Variants in PIP4K2A observed in about 807,000 individuals in gnomAD.
PIP4K2A encodes the protein phosphatidylinositol 5-phosphate 4-kinase type-2 alpha.
PIP4K2A carries 14 observed loss-of-function variants against 42.9 expected under a neutral mutation model. The observed-to-expected ratio is 0.33, with a 90% CI of 0.22 to 0.51. PIP4K2A has a LOEUF of 0.51. PIP4K2A is among the 20% of genes least tolerant of loss of function. PIP4K2A has a pLI of 0.97. For missense variants in PIP4K2A, 434 were observed against 519.8 expected (o/e 0.83, Z 1.61); for synonymous variants, 192 against 192.2 (o/e 1.00, Z 0.01).
intron 7 of PIP4K2A, among the ~76,000 whole-genome samples, chr10:22,545,852 C>T (rs1340825134): frequency 6.6e-6 from 1 of 152,136 alleles, no homozygotes; most frequent in African/African-American, 2.4e-5. Context: ...TACAGAGGTG[C>T]ACCACCATGC....
intron 7 of PIP4K2A, among the ~76,000 whole-genome samples, chr10:22,548,311 T>C (rs1836305424): frequency 6.6e-6 from 1 of 152,194 alleles, no homozygotes; most frequent in African/African-American, 2.4e-5. Context: ...GATTAGACTA[T>C]AGAGTCCTCT....
rs1219310813 is a variant in PIP4K2A at position 22,665,976 on chromosome 10, A to G, written c.144+48207T>C. On this transcript the variant is annotated intron_variant, in intron 1 of 9. Transcript: ENST00000376573. ...TATATTAATTTTGATTACTATTTTCAGATGGCTTTCCAGGAATGCTATATA... is the reference window on the plus strand; with the variant it reads ...TATATTAATTTTGATTACTATTTTCGGATGGCTTTCCAGGAATGCTATATA... Among the ~76,000 whole-genome samples, 4 of 152,226 alleles carry G rather than the reference A, an allele frequency of 2.6e-5. No homozygotes were observed. In the East Asian group the frequency reaches 7.7e-4, roughly 29 times the overall value.
At chr10:22,619,324 G>C (rs1838257657) in intron 1 of PIP4K2A, among the ~76,000 whole-genome samples, 1 of 152,050 alleles carries the variant, frequency 6.6e-6, no homozygotes, top group Non-Finnish European at 1.5e-5. Flanking sequence ...CAGTTACAGA[G>C]GCAGGAAAAA....
chr10:22,554,823 T>C (rs1479909281), intron 6 of PIP4K2A, among the ~76,000 whole-genome samples: 4 of 152,180 alleles, frequency 2.6e-5, no homozygotes, highest in Non-Finnish European at 5.9e-5. Flanking sequence ...CCTCTGTGCG[T>C]CTAGTCCTGA....
chr10:22,673,365 G>T (rs1043991792), intron 1 of PIP4K2A, among the ~76,000 whole-genome samples: 1 of 152,150 alleles, frequency 6.6e-6, no homozygotes, highest in Non-Finnish European at 1.5e-5. Flanking sequence ...GCAGGAAAAT[G>T]CAATAAATAT....
intron 1 of PIP4K2A, among the ~76,000 whole-genome samples, chr10:22,686,954 C>A (rs528315658): frequency 6.6e-6 from 1 of 152,302 alleles, no homozygotes; most frequent in East Asian, 1.9e-4. Flanking sequence ...GAAGAACGCG[C>A]ACATTCTGTC....
At chr10:22,687,686 A>G (rs1839790772) in intron 1 of PIP4K2A, among the ~76,000 whole-genome samples, 1 of 152,172 alleles carries the variant, frequency 6.6e-6, no homozygotes, top group Non-Finnish European at 1.5e-5. Flanking sequence ...ATACAAAATG[A>G]CGCAGCTTTG....
intron 1 of PIP4K2A, among the ~76,000 whole-genome samples, chr10:22,700,130 T>C (rs1833687352): frequency 6.6e-6 from 1 of 152,186 alleles, no homozygotes; most frequent in South Asian, 2.1e-4. Context: ...GAGCAAGGTA[T>C]GCAGTCCTGT....
At chr10:22,580,026 C>T (rs890554350) in intron 4 of PIP4K2A, among the ~76,000 whole-genome samples, 2 of 151,828 alleles carry the variant, frequency 1.3e-5, no homozygotes, top group Admixed American at 1.3e-4. Flanking sequence ...GCAGCCAAGG[C>T]CCCGAGGTGA....
chr10:22,582,913 G>T (rs982314163), intron 4 of PIP4K2A, among the ~76,000 whole-genome samples: 2 of 123,276 alleles, frequency 1.6e-5, no homozygotes, highest in Admixed American at 8.0e-5. Flanking sequence ...AAAAAAAAAA[G>T]TAAGGATGAC....
intron 3 of PIP4K2A, among the ~76,000 whole-genome samples, chr10:22,592,246 T>A (rs1287739202): frequency 6.6e-6 from 1 of 152,184 alleles, no homozygotes; most frequent in East Asian, 1.9e-4. Flanking sequence ...ATTGCTATCA[T>A]CACTATTTTA....
chr10:22,594,321 T>G (rs991055932), intron 3 of PIP4K2A, among the ~76,000 whole-genome samples: 21 of 152,242 alleles, frequency 1.4e-4, no homozygotes, highest in African/African-American at 5.1e-4. Flanking sequence ...AGAATAATAA[T>G]TCATGGCATT....
intron 6 of PIP4K2A, among the ~76,000 whole-genome samples, chr10:22,556,935 G>C (rs188181362): frequency 1.2e-3 from 184 of 152,312 alleles, no homozygotes; most frequent in Non-Finnish European, 2.1e-3. Context: ...TGACAATACA[G>C]GTCATGGTCA....
intron 3 of PIP4K2A, among the ~76,000 whole-genome samples, chr10:22,605,634 A>C (rs1018925704): frequency 3.3e-5 from 5 of 152,226 alleles, no homozygotes; most frequent in Admixed American, 3.3e-4. Context: ...CATTTCAATA[A>C]TGAATTGAGG....
chr10:22,643,397 ATACT>A (rs1204106692), intron 1 of PIP4K2A, among the ~76,000 whole-genome samples: 1 of 152,186 alleles, frequency 6.6e-6, no homozygotes, highest in African/African-American at 2.4e-5. Flanking sequence ...AGTGCCTAAA[ATACT>A]TACTGTCTTT....
chr10:22,639,532 G>T (rs2130788331), intron 1 of PIP4K2A, among the ~76,000 whole-genome samples: 1 of 151,752 alleles, frequency 6.6e-6, no homozygotes, highest in East Asian at 1.9e-4. Context: ...GGAAAAAAGT[G>T]GGTAATATAC....
intron 4 of PIP4K2A, among the ~76,000 whole-genome samples, chr10:22,579,643 C>T (rs1227314088): frequency 1.2e-4 from 19 of 152,058 alleles, no homozygotes; most frequent in East Asian, 1.9e-4. Flanking sequence ...TGGTGGCTCA[C>T]GCATGTAATC....
At chr10:22,655,995 C>A (rs1252041817) in intron 1 of PIP4K2A, among the ~76,000 whole-genome samples, 1 of 152,112 alleles carries the variant, frequency 6.6e-6, no homozygotes, top group Non-Finnish European at 1.5e-5. Context: ...GGGAATCAAA[C>A]CAAGAATCCA....
At chr10:22,694,498 A>G (rs1839932144) in intron 1 of PIP4K2A, 1 of 152,226 alleles carries the variant, frequency 6.6e-6, no homozygotes, top group East Asian at 1.9e-4. Context: ...CTCTTGTGGC[A>G]AAATACATAG....
Sources: gnomAD v4.1 joint callset for allele counts (sites outside exome capture counted in the v4.1 genomes callset) on GRCh38, gnomAD v4.1.1 for gene constraint, MANE v1.5 for transcripts, NCBI Gene and HGNC (gene_info 2026-07-23, HGNC 2026-07-21) for gene names.